The following DNAH7 variants were observed in gnomAD, a reference collection of about 807,000 sequenced individuals.
DNAH7 encodes the protein axonemal beta dynein heavy chain 7.
DNAH7 carries 397 observed loss-of-function variants against 444.6 expected under a neutral mutation model. The observed-to-expected ratio is 0.89, with a 90% CI of 0.82 to 0.97. The LOEUF is 0.97. Ranked by LOEUF, DNAH7 falls within the 50% of genes least tolerant of loss-of-function variation. The probability of loss-of-function intolerance (pLI) is 0.00; values close to 1 mark genes in which losing one functional copy is unlikely to be tolerated. For missense variants in DNAH7, 4,902 were observed against 4,800.8 expected, an observed-to-expected ratio of 1.02 and a Z score of -0.62; for synonymous variants, 1,636 against 1,624.4, an observed-to-expected ratio of 1.01 and a Z score of -0.17.
intron 50 of DNAH7, 41 bp from the exon 51 acceptor site, chr2:195,817,004 T>C (rs1697254694): frequency 1.4e-6 from 2 of 1,398,342 alleles, no homozygotes. Context: ...AAAGAAGTCA[T>C]TTAAAATCAT....
Position 195,871,791 on chromosome 2 carries a change from C to T in DNAH7, c.6633+459G>A, listed in dbSNP as rs1180567972. Among the ~76,000 whole-genome samples, 3 of 126,520 alleles carry T rather than the reference C, an allele frequency of 2.4e-5. 1 individual carries two copies. Among genetic ancestry groups the T allele is most frequent in the Non-Finnish European group, 4.7e-5 (3 of 64,304 alleles). The allele number at this position is 126,520 out of a possible 152,430, so 83.0% of individuals were successfully genotyped here. A position where few individuals can be genotyped will look rare whatever the true frequency, so the allele number is the denominator to read the frequency against. On this transcript the variant is annotated intron_variant, in intron 40 of 64. Transcript: ENST00000312428. ...CTAAAAATACAAAAAATTAGCCGGG[C>T]GTAGTGGCGGGCGCCTGTAGTCCCA...
At chr2:195,742,161 C>T (rs552843806) in intron 63 of DNAH7, among the ~76,000 whole-genome samples, 56 of 152,058 alleles carry the variant, frequency 3.7e-4, no homozygotes, top group Non-Finnish European at 6.6e-4. Context: ...GGTGGACTTG[C>T]GTGAGGGGAG....
chr2:195,890,442 C>G (rs974954134), intron 31 of DNAH7, among the ~76,000 whole-genome samples: 8 of 152,150 alleles, frequency 5.3e-5, no homozygotes, highest in African/African-American at 1.9e-4. Context: ...CCCTGAGACT[C>G]AGTATTTGTG....
intron 61 of DNAH7, among the ~76,000 whole-genome samples, chr2:195,768,363 CATTTATCAGT>C (rs1694684041): frequency 6.6e-6 from 1 of 151,074 alleles, no homozygotes; most frequent in South Asian, 2.1e-4. Context: ...CACCTTTTTT[CATTTATCAGT>C]ATGTCTTGGC....
At chr2:196,043,241 G>A (rs1398494892) in intron 5 of DNAH7, among the ~76,000 whole-genome samples, 26 of 150,752 alleles carry the variant, frequency 1.7e-4, no homozygotes, top group Admixed American at 1.5e-3. Context: ...TAAAAAAAGG[G>A]AAAAAAAAGC....
Position 196,012,801 on chromosome 2 carries a change from C to T in DNAH7, c.975G>A (p.Glu325=). The change falls in exon 10 of 65, where the codon GAG becomes GAA. Residue 325 remains glutamate (E), a synonymous_variant. Transcript: ENST00000312428. ...IIMRHMDSAK[E]TLLKMWFPEV... ...CAAACCTTTACATTTTAAGTAGAGT[C>T]TCTTTGGCAGAGTCCATGTGTCTCA... The T allele has an allele frequency of 6.3e-7, 1 of 1,598,838 alleles. No individual in the cohort carries two copies. Among genetic ancestry groups the T allele is most frequent in the Non-Finnish European group, 8.5e-7 (1 of 1,173,418 alleles).
chr2:195,771,797 T>A lies in DNAH7; in HGVS notation c.11296A>T (p.Ile3766Phe). The change falls in exon 61 of 65, where the codon ATC (isoleucine) becomes TTC (phenylalanine). Residue 3766 changes from isoleucine to phenylalanine, a missense_variant. Transcript: ENST00000312428. ...GGGTACCTCCTCATGGCAGCCTCGATGTCGAAGTTGTTTGGAAGTTTGCCC... is the reference window on the plus strand; with the variant it reads ...GGGTACCTCCTCATGGCAGCCTCGAAGTCGAAGTTGTTTGGAAGTTTGCCC... ...ILGKLPNNFD[I>F]EAAMRRYPTT... 1 of 1,614,198 alleles carries A rather than the reference T, an allele frequency of 6.2e-7. No homozygotes were observed. The highest frequency in any genetic ancestry group is 1.1e-5 in the South Asian group (1 of 91,076).
chr2:195,820,576 T>C lies in DNAH7; in HGVS notation c.9292-2747A>G, dbSNP rs117230530. On this transcript the variant is annotated intron_variant, in intron 49 of 64. Coordinates refer to ENST00000312428, the MANE Select transcript of DNAH7 (RefSeq NM_018897.3). ...CAGTGTTTGCTCCTGATTTCATCAT[T>C]TCCCTAATGAAAGGAGGTTCCTTAA... Among the ~76,000 whole-genome samples the C allele has an allele frequency of 1.1e-3, 175 of 152,296 alleles. 2 individuals are homozygous for C. The East Asian group carries it at 0.03, about 26-fold the overall frequency.
At chr2:195,845,189 A>G (rs1698912097) in intron 46 of DNAH7, 24 bp from the exon 47 acceptor site, 1 of 1,589,552 alleles carries the variant, frequency 6.3e-7, no homozygotes, top group African/African-American at 1.4e-5. Context: ...ACAGAAAGAT[A>G]AAGAAATGAG....
rs190472802 is a variant in DNAH7, at chr2:195,945,605, C to T, written c.3079-8813G>A. ...AGAAAGTCAGATGTAGAGAGCCTGGCAGATGATCTTTTCTGCTTTTCAGCT... is the reference window on the plus strand; with the variant it reads ...AGAAAGTCAGATGTAGAGAGCCTGGTAGATGATCTTTTCTGCTTTTCAGCT... On this transcript the variant is annotated intron_variant, in intron 19 of 64. Coordinates refer to ENST00000312428, the MANE Select transcript of DNAH7 (RefSeq NM_018897.3). Among the ~76,000 whole-genome samples the T allele has an allele frequency of 5.1e-3, 780 of 152,184 alleles. 5 individuals carry two copies. Among genetic ancestry groups the T allele is most frequent in the Non-Finnish European group, 7.5e-3 (512 of 68,010 alleles).
intron 20 of DNAH7, among the ~76,000 whole-genome samples, chr2:195,935,713 T>C (rs1450481134): frequency 1.3e-5 from 2 of 152,134 alleles, no homozygotes; most frequent in African/African-American, 2.4e-5. Flanking sequence ...AAGTTGAGCA[T>C]GGAGGGAGCT....
intron 63 of DNAH7, among the ~76,000 whole-genome samples, chr2:195,749,387 C>T (rs901194169): frequency 1.8e-4 from 27 of 151,454 alleles, no homozygotes; most frequent in Non-Finnish European, 3.0e-4. Context: ...GTTGGTGGGA[C>T]TGTAAACTAG....
At chr2:195,797,149 A>G (rs1255880227) in intron 55 of DNAH7, among the ~76,000 whole-genome samples, 1 of 152,236 alleles carries the variant, frequency 6.6e-6, no homozygotes, top group Admixed American at 6.5e-5. Context: ...TTGAATAACT[A>G]TATTTTAGTT....
chr2:196,068,582 T>TG, intron 1 of DNAH7, 115 bp downstream of exon 1: 1 of 1,397,484 alleles, frequency 7.2e-7, no homozygotes, highest in Non-Finnish European at 9.8e-7. Context: ...AAGGAAGCTG[T>TG]ACACCGCGGA....
At chr2:195,966,909 C>T (rs971968075) in intron 17 of DNAH7, among the ~76,000 whole-genome samples, 2 of 151,956 alleles carry the variant, frequency 1.3e-5, no homozygotes, top group Non-Finnish European at 2.9e-5. Flanking sequence ...AACCATTTAT[C>T]CATGCTATAT....
At chr2:195,776,597 C>T (rs1044000982) in intron 59 of DNAH7, among the ~76,000 whole-genome samples, 3 of 151,834 alleles carry the variant, frequency 2.0e-5, no homozygotes, top group Non-Finnish European at 4.4e-5. Context: ...TCATATTTTG[C>T]TGATGATTAT....
At chr2:195,746,404 C>T (rs1192794673) in intron 63 of DNAH7, among the ~76,000 whole-genome samples, 1 of 152,166 alleles carries the variant, frequency 6.6e-6, no homozygotes, top group Admixed American at 6.5e-5. Flanking sequence ...TAATGAGAGA[C>T]TTTAACACCC....
chr2:195,863,427 CTAGT>C (rs1347592804), intron 41 of DNAH7, among the ~76,000 whole-genome samples: 5 of 152,186 alleles, frequency 3.3e-5, no homozygotes, highest in African/African-American at 9.7e-5. Flanking sequence ...TCACATCTAG[CTAGT>C]TACTCTTCCT....
intron 63 of DNAH7, among the ~76,000 whole-genome samples, chr2:195,745,738 T>C (rs1011761888): frequency 1.3e-5 from 2 of 152,142 alleles, no homozygotes; most frequent in African/African-American, 4.8e-5. Flanking sequence ...GAATTTCATA[T>C]CCAGCCAAAC....
Sources: gnomAD v4.1 joint callset for allele counts (sites outside exome capture counted in the v4.1 genomes callset) on GRCh38, gnomAD v4.1.1 for gene constraint, MANE v1.5 for transcripts, NCBI Gene and HGNC (gene_info 2026-07-23, HGNC 2026-07-21) for gene names.